The following SOX5 variants were observed in gnomAD, a reference collection of about 807,000 sequenced individuals.
The protein encoded by SOX5 is transcription factor SOX-5.
In SOX5, 9 loss-of-function variants were observed where a neutral mutation model predicts 92.0. That is an observed-to-expected ratio of 0.10 (90% CI 0.06 to 0.17). SOX5 has a LOEUF of 0.17. SOX5 is among the 10% of genes least tolerant of loss of function. SOX5 has a pLI of 1.00. For missense variants in SOX5, 642 were observed against 944.5 expected, an observed-to-expected ratio of 0.68 and a Z score of 4.20; for synonymous variants, 344 against 336.3, an observed-to-expected ratio of 1.02 and a Z score of -0.25.
chr12:24,235,617 G>A (rs1391946068), intron 3 of SOX5, among the ~76,000 whole-genome samples: 2 of 152,078 alleles, frequency 1.3e-5, no homozygotes, highest in Non-Finnish European at 2.9e-5. Flanking sequence ...CCAGAGGAAG[G>A]GCAAAACGTT....
rs377574533 is a variant in SOX5 at position 23,895,859 on chromosome 12, C to T, written c.204G>A (p.Gln68=). ...TCTCTTGCGTCAGCAGAGAAACTGGCTGAAATTCCTCAGAGTGAGGCTTGT... is the reference window on the plus strand; with the variant it reads ...TCTCTTGCGTCAGCAGAGAAACTGGTTGAAATTCCTCAGAGTGAGGCTTGT... ...FPNKPHSEEF[Q]PVSLLTQETC... Residue 68 remains glutamine, a synonymous_variant, in exon 2 of 15, where the codon CAG becomes CAA. Coordinates refer to ENST00000451604, the MANE Select transcript of SOX5 (RefSeq NM_006940.6). 7.4e-6 allele frequency: 12 copies of T among 1,614,038 alleles called. No individual in the cohort carries two copies. Among genetic ancestry groups the T allele is most frequent in the Middle Eastern group, 1.6e-4 (1 of 6,084 alleles).
intron 1 of SOX5, among the ~76,000 whole-genome samples, chr12:23,897,344 T>TA (rs957708028): frequency 6.6e-6 from 1 of 152,116 alleles, no homozygotes; most frequent in African/African-American, 2.4e-5. Context: ...GATATTCTAT[T>TA]AAAAATATTA....
At chr12:24,402,570 G>C (rs1030941488) in intron 1 of SOX5, among the ~76,000 whole-genome samples, 22 of 152,210 alleles carry the variant, frequency 1.4e-4, no homozygotes, top group African/African-American at 5.3e-4. Flanking sequence ...GCATTTAGGA[G>C]GTTCTAAAGC....
intron 6 of SOX5, among the ~76,000 whole-genome samples, chr12:23,705,423 A>T (rs1366808097): frequency 6.6e-6 from 1 of 151,952 alleles, no homozygotes; most frequent in East Asian, 1.9e-4. Context: ...AGCTGGTTTG[A>T]TCAGAGGCTT....
chr12:24,551,564 A>G (rs16927697), intron 1 of SOX5, among the ~76,000 whole-genome samples: 47,156 of 152,144 alleles, frequency 0.31, 8,800 homozygotes, highest in East Asian at 0.81. Flanking sequence ...GCTGAGTGCT[A>G]CAATCATACG....
intron 6 of SOX5, among the ~76,000 whole-genome samples, chr12:23,683,816 C>A (rs756087879): frequency 8.6e-5 from 13 of 151,968 alleles, no homozygotes; most frequent in African/African-American, 2.4e-5. Context: ...AACCCTAACA[C>A]CCCATTGGTT....
intron 9 of SOX5, among the ~76,000 whole-genome samples, chr12:23,592,696 T>C (rs1350320767): frequency 6.6e-6 from 1 of 152,202 alleles, no homozygotes; most frequent in Non-Finnish European, 1.5e-5. Flanking sequence ...TCAAATTTAA[T>C]ATTGATAAGC....
chr12:24,476,237 G>A (rs1195940690), intron 1 of SOX5, among the ~76,000 whole-genome samples: 1 of 152,202 alleles, frequency 6.6e-6, no homozygotes, highest in Non-Finnish European at 1.5e-5. Context: ...GAATCTAACA[G>A]TGAAAAATCA....
intron 1 of SOX5, among the ~76,000 whole-genome samples, chr12:23,946,249 T>A (rs1034852517): frequency 4.6e-5 from 7 of 152,102 alleles, no homozygotes; most frequent in African/African-American, 1.7e-4. Flanking sequence ...CTAATTTGCA[T>A]AATCCCACTA....
intron 7 of SOX5, among the ~76,000 whole-genome samples, chr12:23,660,809 C>T (rs1395375454): frequency 6.6e-6 from 1 of 152,056 alleles, no homozygotes; most frequent in African/African-American, 2.4e-5. Context: ...TTTCATGGGA[C>T]TCTTAAAAAC....
At chr12:24,317,010 C>T (rs1398757547) in intron 2 of SOX5, among the ~76,000 whole-genome samples, 2 of 152,066 alleles carry the variant, frequency 1.3e-5, no homozygotes, top group African/African-American at 2.4e-5. Context: ...AACCAGGGAG[C>T]AACTAAACTG....
intron 6 of SOX5, among the ~76,000 whole-genome samples, chr12:23,696,383 A>G (rs1272412653): frequency 1.3e-5 from 2 of 152,124 alleles, no homozygotes; most frequent in African/African-American, 2.4e-5. Context: ...TCTGTTATAT[A>G]TAAGTTGCCA....
intron 4 of SOX5, among the ~76,000 whole-genome samples, chr12:24,005,093 C>T (rs1952013129): frequency 6.6e-6 from 1 of 151,276 alleles, no homozygotes; most frequent in Non-Finnish European, 1.5e-5. Context: ...AGATTAATTG[C>T]AAATGGGCAT....
chr12:24,540,295 G>T (rs1952006587), intron 1 of SOX5, among the ~76,000 whole-genome samples: 2 of 130,004 alleles, frequency 1.5e-5, no homozygotes, highest in Non-Finnish European at 3.2e-5. Context: ...TGTATACGTT[G>T]TAAAAACTAA....
In SOX5 at chr12:23,866,258, A is replaced by C. The variant is rs577229348; in HGVS notation, c.271-20065T>G. On this transcript the variant is annotated intron_variant, in intron 2 of 14. Transcript: ENST00000451604. ...GAAAGGTAACTATGTTAATTTCAGT[A>C]ATATATATTTATGATTTGGGCTATG... Among the ~76,000 whole-genome samples, 8 of 152,318 alleles carry C rather than the reference A, an allele frequency of 5.3e-5. No individual in the cohort carries two copies. In the South Asian group the frequency reaches 1.7e-3, roughly 32 times the overall value.
At chr12:24,427,349 G>T (rs17430842) in intron 1 of SOX5, among the ~76,000 whole-genome samples, 1 of 152,136 alleles carries the variant, frequency 6.6e-6, no homozygotes, top group African/African-American at 2.4e-5. Context: ...CTTATTTAAC[G>T]GGGTGGAAGT....
chr12:23,537,440 A>C (rs968991400), intron 13 of SOX5, among the ~76,000 whole-genome samples: 1 of 152,210 alleles, frequency 6.6e-6, no homozygotes, highest in Admixed American at 6.5e-5. Flanking sequence ...TATAACTTAA[A>C]TTGTGCTATA....
At chr12:23,802,038 C>G (rs978686903) in intron 3 of SOX5, among the ~76,000 whole-genome samples, 2 of 151,962 alleles carry the variant, frequency 1.3e-5, no homozygotes, top group South Asian at 4.2e-4. Flanking sequence ...GTAGAACAAA[C>G]TTTACGGAAC....
At chr12:24,437,122 C>T (rs1440067207) in intron 1 of SOX5, among the ~76,000 whole-genome samples, 1 of 151,986 alleles carries the variant, frequency 6.6e-6, no homozygotes, top group Non-Finnish European at 1.5e-5. Flanking sequence ...GTTTTCAAGC[C>T]TAACAACATG....
Sources: allele counts gnomAD v4.1 joint callset (sites outside exome capture counted in the v4.1 genomes callset), GRCh38; gene constraint gnomAD v4.1.1; transcripts MANE v1.5; gene names NCBI Gene and HGNC (gene_info 2026-07-23, HGNC 2026-07-21).